Variants in SPATS2L observed in about 807,000 individuals in gnomAD.
SPATS2L encodes spermatogenesis associated serine rich 2 like.
Under a neutral mutation model 59.6 loss-of-function variants are expected in SPATS2L, and 30 were observed. The observed-to-expected ratio is 0.50, with a 90% confidence interval of 0.38 to 0.68. The LOEUF (loss-of-function observed/expected upper bound fraction) is 0.68. Ranked by LOEUF, SPATS2L falls within the 30% of genes least tolerant of loss-of-function variation. The pLI, the probability that SPATS2L is intolerant of heterozygous loss-of-function variation, is 0.00. For synonymous variants in SPATS2L, 252 were observed against 263.5 expected (o/e 0.96, Z 0.42); for missense variants, 615 against 700.0 (o/e 0.88, Z 1.37).
intron 10 of SPATS2L, among the ~76,000 whole-genome samples, chr2:200,468,347 T>TACCCACACACACAC (rs2086748168): frequency 9.1e-6 from 1 of 110,082 alleles, no homozygotes; most frequent in Non-Finnish European, 1.9e-5. Context: ...CCCAGTATAC[T>TACCCACACACACAC]ACACACACAC....
chr2:200,334,153 CT>C (rs2080057559), intron 2 of SPATS2L, among the ~76,000 whole-genome samples: 1 of 152,222 alleles, frequency 6.6e-6, no homozygotes, highest in East Asian at 1.9e-4. Flanking sequence ...TCCACATCCT[CT>C]CCAGCACCTG....
At chr2:200,417,645 T>C (rs908164541) in intron 5 of SPATS2L, among the ~76,000 whole-genome samples, 3 of 152,188 alleles carry the variant, frequency 2.0e-5, no homozygotes, top group African/African-American at 2.4e-5. Context: ...CAGAAGCTGC[T>C]GTGGGTGTTT....
At chr2:200,329,696 C>T (rs1381205680) in intron 2 of SPATS2L, among the ~76,000 whole-genome samples, 1 of 152,008 alleles carries the variant, frequency 6.6e-6, no homozygotes, top group African/African-American at 2.4e-5. Context: ...CAGTGCCACC[C>T]CACCCACATC....
intron 2 of SPATS2L, among the ~76,000 whole-genome samples, chr2:200,369,452 A>C (rs2081361008): frequency 6.6e-6 from 1 of 152,076 alleles, no homozygotes; most frequent in Admixed American, 6.6e-5. Flanking sequence ...AGCCACCGTG[A>C]GGCAGGGGCC....
intron 9 of SPATS2L, among the ~76,000 whole-genome samples, chr2:200,466,650 T>G (rs2086626658): frequency 6.6e-6 from 1 of 152,140 alleles, no homozygotes; most frequent in Non-Finnish European, 1.5e-5. Context: ...CTCTTGAAAT[T>G]TTTCCACTGG....
At chr2:200,306,617 G>C (rs1300414654), upstream of SPATS2L, 8 of 995,602 alleles carry the variant, frequency 8.0e-6, no homozygotes, top group South Asian at 3.3e-4. Flanking sequence ...TGACACCGAG[G>C]GGAAGGCGGG....
At chr2:200,437,214 A>G (rs1404799375) in intron 6 of SPATS2L, among the ~76,000 whole-genome samples, 1 of 152,254 alleles carries the variant, frequency 6.6e-6, no homozygotes, top group Non-Finnish European at 1.5e-5. Context: ...AGCCTAACCC[A>G]GAATTCTCAA....
At chr2:200,389,597 T>C (rs538003490) in intron 3 of SPATS2L, 4 of 266,406 alleles carry the variant, frequency 1.5e-5, no homozygotes, top group African/African-American at 8.8e-5. Context: ...ACGTAGCTGG[T>C]AAACAGCAGA....
chr2:200,341,946 C>A (rs1388347197), intron 2 of SPATS2L, among the ~76,000 whole-genome samples: 2 of 152,116 alleles, frequency 1.3e-5, no homozygotes, highest in Non-Finnish European at 2.9e-5. Flanking sequence ...CCTCAGCCTC[C>A]CGAAGTGCTG....
At chr2:200,397,832 GA>G (rs914051724) in intron 3 of SPATS2L, among the ~76,000 whole-genome samples, 11 of 150,218 alleles carry the variant, frequency 7.3e-5, no homozygotes, top group East Asian at 1.9e-4. Flanking sequence ...GGTATAATTA[GA>G]AAAAAAAACC....
Position 200,419,234 on chromosome 2 carries a change from T to A in SPATS2L, c.199-16T>A, listed in dbSNP as rs1167176244. 6.4e-7 allele frequency: 1 copy of A among 1,551,222 alleles called. No individual in the cohort carries two copies. Among genetic ancestry groups the A allele is most frequent in the Non-Finnish European group, 8.7e-7 (1 of 1,147,224 alleles). ...TCTGAGTTGAATATTATGTTCTCAT[T>A]TGTTTCTCATTCTAGAACAATAAAA... On this transcript the variant is annotated splice_polypyrimidine_tract_variant and intron_variant, in intron 5 of 12. Coordinates refer to ENST00000409140, the MANE Select transcript of SPATS2L (RefSeq NM_001100423.2).
chr2:200,310,000 T>A (rs2079143500), intron 1 of SPATS2L, among the ~76,000 whole-genome samples: 1 of 152,244 alleles, frequency 6.6e-6, no homozygotes, highest in Non-Finnish European at 1.5e-5. Flanking sequence ...TGTAATTTTT[T>A]ATTATTTTTG....
At chr2:200,355,109 C>A (rs1336671496) in intron 2 of SPATS2L, among the ~76,000 whole-genome samples, 1 of 152,158 alleles carries the variant, frequency 6.6e-6, no homozygotes, top group Non-Finnish European at 1.5e-5. Context: ...TTTCAGACAT[C>A]TCTTTTGTTT....
intron 2 of SPATS2L, among the ~76,000 whole-genome samples, chr2:200,359,860 T>A (rs996903875): frequency 2.8e-4 from 43 of 152,210 alleles, no homozygotes; most frequent in African/African-American, 1.0e-3. Context: ...CAGCTGAGTC[T>A]GTCTGGACTA....
At chr2:200,456,085 A>G (rs2085816290) in intron 8 of SPATS2L, among the ~76,000 whole-genome samples, 1 of 152,154 alleles carries the variant, frequency 6.6e-6, no homozygotes, top group African/African-American at 2.4e-5. Context: ...TTCCCTTGAC[A>G]AGCCTACTGC....
At chr2:200,381,330 G>A (rs1440722690) in intron 2 of SPATS2L, among the ~76,000 whole-genome samples, 2 of 152,140 alleles carry the variant, frequency 1.3e-5, no homozygotes, top group African/African-American at 4.8e-5. Flanking sequence ...TCAACTCCCA[G>A]TGCCTGTACA....
intron 2 of SPATS2L, among the ~76,000 whole-genome samples, chr2:200,381,897 T>A (rs2081825311): frequency 1.3e-5 from 2 of 152,194 alleles, no homozygotes; most frequent in Admixed American, 6.5e-5. Context: ...GTAATTAAGT[T>A]AGTAATTCAG....
chr2:200,380,325 C>T (rs983905213), intron 2 of SPATS2L, among the ~76,000 whole-genome samples: 12 of 152,180 alleles, frequency 7.9e-5, no homozygotes, highest in African/African-American at 2.9e-4. Flanking sequence ...CTGGGACTGC[C>T]ATAAAGTGTG....
Position 200,419,253 on chromosome 2 carries a change from A to G in SPATS2L, c.202A>G (p.Asn68Asp), listed in dbSNP as rs1261003667. 33 of 1,567,918 alleles carry G rather than the reference A, an allele frequency of 2.1e-5. No homozygotes were observed. The highest frequency in any genetic ancestry group is 2.8e-5 in the Non-Finnish European group (32 of 1,156,080). ...EWNMTGKKKN[N>D]KRKRSKSKQH... ...TCTCATTTGTTTCTCATTCTAGAAC[A>G]ATAAAAGAAAAAGAAGCAAGTCCAA... The change falls in exon 6 of 13, where the codon AAT becomes GAT. Residue 68 changes from asparagine (N) to aspartate (D), a missense_variant. By Grantham distance (23) the Asn-to-Asp change is conservative. Transcript: ENST00000409140.
Sources: allele counts gnomAD v4.1 joint callset (sites outside exome capture counted in the v4.1 genomes callset), GRCh38; gene constraint gnomAD v4.1.1; transcripts MANE v1.5; gene names NCBI Gene and HGNC (gene_info 2026-07-23, HGNC 2026-07-21).